The following MYO3A variants were observed in gnomAD, a reference collection of about 807,000 sequenced individuals.
MYO3A encodes the protein myosin IIIA.
In MYO3A, 180 loss-of-function variants were observed where a neutral mutation model predicts 192.7. That is an observed-to-expected ratio of 0.93 (90% CI 0.83 to 1.06). MYO3A has a LOEUF of 1.06. Among genes scored for constraint, MYO3A ranks in the 50% least tolerant of loss-of-function variants. The probability of loss-of-function intolerance (pLI) is 0.00; values close to 1 mark genes in which losing one functional copy is unlikely to be tolerated. For synonymous variants in MYO3A, 628 were observed against 645.3 expected (o/e 0.97, Z 0.41); for missense variants, 1,896 against 1,905.0 (o/e 1.00, Z 0.09).
At chr10:26,072,437 C>T (rs1835264712) in intron 14 of MYO3A, among the ~76,000 whole-genome samples, 1 of 152,150 alleles carries the variant, frequency 6.6e-6, no homozygotes, top group Non-Finnish European at 1.5e-5. Context: ...AAATTTATCT[C>T]TTTGACCAAT....
At chr10:26,073,824 GGA>G (rs1164148849) in intron 14 of MYO3A, among the ~76,000 whole-genome samples, 2 of 152,004 alleles carry the variant, frequency 1.3e-5, no homozygotes, top group East Asian at 1.9e-4. Flanking sequence ...AAATGGGGGT[GGA>G]GAGAGGGGTT....
At chr10:26,184,993 G>A (rs1414585032) in intron 31 of MYO3A, among the ~76,000 whole-genome samples, 3 of 152,122 alleles carry the variant, frequency 2.0e-5, no homozygotes, top group Admixed American at 2.0e-4. Context: ...ATGCTGATAA[G>A]CTCATGGGAA....
intron 4 of MYO3A, among the ~76,000 whole-genome samples, chr10:25,979,962 C>T (rs1424150991): frequency 6.6e-6 from 1 of 152,162 alleles, no homozygotes; most frequent in Non-Finnish European, 1.5e-5. Context: ...AAAGGCCGGG[C>T]GCAATGGCTC....
At position 26,169,869 on chromosome 10, in the gene MYO3A, G is replaced by A. The variant is rs75004203; in HGVS notation, c.3275-547G>A. 6.5e-4 allele frequency among the ~76,000 whole-genome samples: 99 copies of A among 152,282 alleles called. 2 individuals carry two copies. In the East Asian group the frequency reaches 0.016, roughly 25 times the overall value. On this transcript the variant is annotated intron_variant, in intron 28 of 34. Coordinates refer to ENST00000642920, the MANE Select transcript of MYO3A (RefSeq NM_017433.5). The stretch of plus-strand genomic sequence containing the variant: ...GCCTTTGGCAGTAAAACATAGCAAT[G>A]TGATGTGAAGTTATTTACAGTTCTT...
At chr10:26,030,739 T>G (rs1249757518) in intron 10 of MYO3A, among the ~76,000 whole-genome samples, 3 of 152,260 alleles carry the variant, frequency 2.0e-5, no homozygotes, top group Admixed American at 2.0e-4. Flanking sequence ...CAGTATAATT[T>G]TTTAAAAATT....
At chr10:26,205,488 G>A (rs1319647590) in intron 34 of MYO3A, among the ~76,000 whole-genome samples, 1 of 139,816 alleles carries the variant, frequency 7.2e-6, no homozygotes, top group Non-Finnish European at 1.5e-5. Context: ...TTGGGGGGGG[G>A]CTTCCATGTA....
chr10:26,125,125 C>T (rs1222410374), intron 18 of MYO3A, among the ~76,000 whole-genome samples: 3 of 152,168 alleles, frequency 2.0e-5, no homozygotes, highest in Non-Finnish European at 2.9e-5. Flanking sequence ...TAAACAACCA[C>T]TCGCTTATGC....
chr10:26,026,638 G>A (rs1008843201), intron 10 of MYO3A, 106 bp downstream of exon 10: 12 of 1,300,866 alleles, frequency 9.2e-6, no homozygotes, highest in East Asian at 7.4e-5. Context: ...GAGGTAATGG[G>A]GACTTACATG....
intron 4 of MYO3A, among the ~76,000 whole-genome samples, chr10:25,979,503 C>T (rs1042510151): frequency 1.3e-5 from 2 of 150,534 alleles, no homozygotes; most frequent in African/African-American, 4.9e-5. Context: ...TTCTGTGTTC[C>T]AGAAGACATC....
At chr10:26,154,918 T>C (rs1326606212) in intron 25 of MYO3A, 95 bp downstream of exon 25, 1 of 1,016,254 alleles carries the variant, frequency 9.8e-7, no homozygotes, top group African/African-American at 1.6e-5. Context: ...AAAGAGAATG[T>C]TTATTGTATT....
At chr10:26,061,262 A>C (rs1338402605) in intron 10 of MYO3A, among the ~76,000 whole-genome samples, 2 of 152,162 alleles carry the variant, frequency 1.3e-5, no homozygotes, top group Non-Finnish European at 2.9e-5. Context: ...GTATCAAGAC[A>C]TAAAAGGATG....
chr10:26,108,090 T>A (rs1407818751), intron 17 of MYO3A, among the ~76,000 whole-genome samples: 1 of 152,172 alleles, frequency 6.6e-6, no homozygotes, highest in East Asian at 1.9e-4. Flanking sequence ...TAACAAAGTA[T>A]CGTGTTTAAT....
chr10:25,979,216 TG>T (rs1169459687), intron 4 of MYO3A, among the ~76,000 whole-genome samples: 1 of 152,126 alleles, frequency 6.6e-6, no homozygotes, highest in Non-Finnish European at 1.5e-5. Flanking sequence ...TAGAGTACAG[TG>T]TTTGCAGTTA....
At chr10:26,077,889 C>A (rs1188917851) in intron 14 of MYO3A, among the ~76,000 whole-genome samples, 1 of 151,880 alleles carries the variant, frequency 6.6e-6, no homozygotes, top group Non-Finnish European at 1.5e-5. Context: ...TGTTGTTGGA[C>A]TCAGTTAGCT....
rs1375286909 is a variant in MYO3A, at chr10:26,120,542, G to A, written c.1777-134G>A. ...TGAGGCTGAGCCTACTTGGATCTCA[G>A]TGTGGCGTCATCATAGTCTGTGGAT... is the stretch of plus-strand genomic sequence containing the variant. On this transcript the variant is annotated intron_variant, in intron 17 of 34. Coordinates refer to ENST00000642920, the MANE Select transcript of MYO3A (RefSeq NM_017433.5). 3.5e-6 allele frequency: 4 copies of A among 1,154,510 alleles called. No homozygotes were observed. The African/African-American group carries it at 6.1e-5, about 17-fold the overall frequency. 71.5% of individuals were successfully genotyped at this position (1,154,510 alleles called of 1,614,324 possible).
At chr10:26,177,339 C>T (rs1250051058) in intron 31 of MYO3A, among the ~76,000 whole-genome samples, 2 of 152,084 alleles carry the variant, frequency 1.3e-5, no homozygotes, top group African/African-American at 4.8e-5. Context: ...ATTTTCAGAC[C>T]TCCCTCTCCC....
intron 10 of MYO3A, among the ~76,000 whole-genome samples, chr10:26,048,157 A>C (rs1349649122): frequency 6.6e-6 from 1 of 152,186 alleles, no homozygotes; most frequent in East Asian, 1.9e-4. Context: ...GTAGAATTCA[A>C]ACTGACATGC....
chr10:26,070,147 A>G lies in MYO3A; in HGVS notation c.1207A>G (p.Ser403Gly), dbSNP rs375646552. ...ATATATTGGATCAAAGAGAACTGCC[A>G]GTCCTCCTCACATTTTTGCAATGGC... ...KLYIGSKRTA[S>G]PPHIFAMADL... The change falls in exon 13 of 35, where the codon AGT becomes GGT. Residue 403 changes from serine to glycine, a missense_variant. By Grantham distance (56) the Ser-to-Gly change is moderately conservative. Transcript: ENST00000642920. 176 of 1,612,162 alleles carry G rather than the reference A, an allele frequency of 1.1e-4. No individual in the cohort carries two copies. Among genetic ancestry groups the G allele is most frequent in the Non-Finnish European group, 1.2e-4 (142 of 1,178,470 alleles).
chr10:26,066,435 A>G (rs371437125), intron 10 of MYO3A, among the ~76,000 whole-genome samples: 2 of 152,200 alleles, frequency 1.3e-5, no homozygotes, highest in African/African-American at 4.8e-5. Flanking sequence ...CAAGATCTTT[A>G]TGCTGTTTTT....
Sources: gnomAD v4.1 joint callset for allele counts (sites outside exome capture counted in the v4.1 genomes callset) on GRCh38, gnomAD v4.1.1 for gene constraint, MANE v1.5 for transcripts, NCBI Gene and HGNC (gene_info 2026-07-23, HGNC 2026-07-21) for gene names.